The following PCDHGA6 variants were observed in gnomAD, a reference collection of about 807,000 sequenced individuals.
PCDHGA6 encodes the protein protocadherin gamma subfamily A, 6.
In PCDHGA6, 41 loss-of-function variants were observed where a neutral mutation model predicts 60.6. The ratio of observed to expected loss-of-function variants is 0.68; its 90% CI spans 0.53 to 0.88. The LOEUF (loss-of-function observed/expected upper bound fraction) is 0.88, where lower values mean the gene tolerates loss of function less well. Among genes scored for constraint, PCDHGA6 ranks in the 40% least tolerant of loss-of-function variants. The pLI, the probability that PCDHGA6 is intolerant of heterozygous loss-of-function variation, is 0.00. For missense variants in PCDHGA6, 1,312 were observed against 1,203.0 expected, an observed-to-expected ratio of 1.09 and a Z score of -1.34; for synonymous variants, 594 against 524.4, an observed-to-expected ratio of 1.13 and a Z score of -1.81.
chr5:141,494,182 C>A (rs188628485), intron 1 of PCDHGA6, among the ~76,000 whole-genome samples: 1 of 152,126 alleles, frequency 6.6e-6, no homozygotes, highest in Non-Finnish European at 1.5e-5. Context: ...AGAAGTGTCC[C>A]GGGACTTGGA....
intron 1 of PCDHGA6, chr5:141,409,991 G>A: frequency 6.2e-6 from 10 of 1,613,320 alleles, no homozygotes; most frequent in Non-Finnish European, 7.6e-6. Flanking sequence ...GGTGGACGCC[G>A]ACTCGGGACA....
At position 141,399,337 on chromosome 5, in the gene PCDHGA6, GGAACCCTAGACC is replaced by G. The variant is rs754766358; in HGVS notation, c.2424+22833_2424+22844del. 29 of 1,613,990 alleles carry G rather than the reference GGAACCCTAGACC, an allele frequency of 1.8e-5. No individual in the cohort carries two copies. In the South Asian group the frequency reaches 3.1e-4, roughly 17 times the overall value. Reference sequence around the variant, plus strand: ...AAATTCGTATAAGTTGGTAACAGATGGAACCCTAGACCGAGAGCAAACCCCGGAGTACAATGT... The same window carrying G: ...AAATTCGTATAAGTTGGTAACAGATGGAGAGCAAACCCCGGAGTACAATGT... On this transcript the variant is annotated intron_variant, in intron 1 of 3. Transcript: ENST00000517434.
intron 1 of PCDHGA6, chr5:141,421,800 G>T (rs995129799): frequency 1.2e-6 from 2 of 1,613,728 alleles, no homozygotes. Flanking sequence ...ATGGGGCCAA[G>T]AATCCAGAGC....
chr5:141,385,368 T>TG, intron 1 of PCDHGA6: 4 of 1,535,720 alleles, frequency 2.6e-6, no homozygotes, highest in Non-Finnish European at 3.5e-6. Flanking sequence ...TTTATTTGCA[T>TG]GATATTTCTC....
chr5:141,375,100 T>A lies in PCDHGA6; in HGVS notation c.1017T>A (p.Asp339Glu), dbSNP rs921904476. 5 of 1,613,834 alleles carry A rather than the reference T, an allele frequency of 3.1e-6. No individual in the cohort carries two copies. The African/African-American group carries it at 6.7e-5, about 22-fold the overall frequency. Residue 339 changes from aspartate to glutamate, a missense_variant, in exon 1 of 4, where the codon GAT (aspartate) becomes GAA (glutamate). By Grantham distance (45) the Asp-to-Glu change is conservative (BLOSUM62 2). Transcript: ENST00000517434. The stretch of plus-strand genomic sequence containing the variant: ...CGAAAGTCTTAATAACTATCTTGGA[T>A]GTCAATGATAATGTACCAGAAGTGG... ...DRAKVLITILDVNDNVPEVVV... is the reference protein window; with the variant it reads ...DRAKVLITILEVNDNVPEVVV...
chr5:141,439,756 G>A (rs74623862), intron 1 of PCDHGA6: 30 of 152,422 alleles, frequency 2.0e-4, no homozygotes, highest in African/African-American at 7.0e-4. Context: ...CAGGCAATGA[G>A]TTCAGCTCCT....
intron 1 of PCDHGA6, chr5:141,419,610 C>G: frequency 1.9e-6 from 3 of 1,612,130 alleles, no homozygotes; most frequent in Middle Eastern, 1.8e-4. Flanking sequence ...GCCGCGCAGC[C>G]AGGCTACCTG....
chr5:141,422,703 G>GA, intron 1 of PCDHGA6: 1 of 1,603,132 alleles, frequency 6.2e-7, no homozygotes, highest in African/African-American at 1.3e-5. Context: ...CTTACTCTCT[G>GA]ACGGATGACA....
At chr5:141,495,255 G>A (rs1055329757) in intron 2 of PCDHGA6, among the ~76,000 whole-genome samples, 5 of 152,212 alleles carry the variant, frequency 3.3e-5, no homozygotes, top group African/African-American at 1.2e-4. Flanking sequence ...GGCTCAGGCA[G>A]AAAAGCATTT....
At chr5:141,404,615 C>T in intron 1 of PCDHGA6, 5 of 1,614,122 alleles carry the variant, frequency 3.1e-6, no homozygotes, top group Non-Finnish European at 4.2e-6. Flanking sequence ...TGTTTTGGAC[C>T]AGAATGACAA....
chr5:141,489,893 G>A lies in PCDHGA6; in HGVS notation c.2425-4914G>A. ...CTGGTGCTTACTGCTGTGGATGGGG[G>A]GACCCCAGCCCGCTCAGGGACCACC... On this transcript the variant is annotated intron_variant, in intron 1 of 3. Transcript: ENST00000517434. This position sits in a 1 kb window ranked among gnomAD's most constrained non-coding sequence, Gnocchi z 4.5. 6.2e-7 allele frequency: 1 copy of A among 1,614,190 alleles called. No individual in the cohort carries two copies. Among genetic ancestry groups the A allele is most frequent in the South Asian group, 1.1e-5 (1 of 91,084 alleles).
intron 1 of PCDHGA6, chr5:141,388,189 G>A: frequency 1.3e-6 from 2 of 1,542,748 alleles, no homozygotes; most frequent in Admixed American, 1.7e-5. Context: ...AAGCCAGCTT[G>A]TGCTCTGGAA....
chr5:141,421,901 G>A lies in PCDHGA6; in HGVS notation c.2424+45394G>A. ...GATGGAGGCGATCCCATCCGAAAGG[G>A]CGCAGTTCCCATTCGTGTGGTGGTC... is the stretch of plus-strand genomic sequence containing the variant. On this transcript the variant is annotated intron_variant, in intron 1 of 3. Coordinates refer to ENST00000517434, the MANE Select transcript of PCDHGA6 (RefSeq NM_018919.3). 1.9e-6 allele frequency: 3 copies of A among 1,613,724 alleles called. No individual in the cohort carries two copies. Among genetic ancestry groups the A allele is most frequent in the East Asian group, 2.2e-5 (1 of 44,880 alleles).
At chr5:141,488,472 T>C (rs1183465817) in intron 1 of PCDHGA6, among the ~76,000 whole-genome samples, 1 of 152,096 alleles carries the variant, frequency 6.6e-6, no homozygotes, top group East Asian at 1.9e-4. Context: ...CCAGAAATGT[T>C]CCCCTACCCA....
chr5:141,494,929 GGA>G, intron 2 of PCDHGA6, 64 bp downstream of exon 2: 1 of 1,613,142 alleles, frequency 6.2e-7, no homozygotes, highest in Non-Finnish European at 8.5e-7. Flanking sequence ...TGACGTGGGA[GGA>G]GATGGGGGAG....
chr5:141,388,992 C>T (rs1310959225), intron 1 of PCDHGA6: 3 of 1,613,834 alleles, frequency 1.9e-6, no homozygotes, highest in African/African-American at 1.3e-5. Flanking sequence ...GCTCAAAGTC[C>T]GTGACAAGGA....
At chr5:141,448,542 T>G (rs2098594694) in intron 1 of PCDHGA6, among the ~76,000 whole-genome samples, 1 of 152,210 alleles carries the variant, frequency 6.6e-6, no homozygotes, top group Non-Finnish European at 1.5e-5. Flanking sequence ...GCATTTCTTA[T>G]GCAAATATGT....
chr5:141,376,527 A>T lies in PCDHGA6; in HGVS notation c.2424+20A>T. 1 of 1,613,816 alleles carries T rather than the reference A, an allele frequency of 6.2e-7. No homozygotes were observed. Among genetic ancestry groups the T allele is most frequent in the South Asian group, 1.1e-5 (1 of 91,080 alleles). ...CTTCAGGTGAGTTTCTTTCCGCCTA[A>T]GCGGGAAGAGTAATCTGATCTTCCC... On this transcript the variant is annotated intron_variant, in intron 1 of 3. Coordinates refer to ENST00000517434, the MANE Select transcript of PCDHGA6 (RefSeq NM_018919.3).
intron 1 of PCDHGA6, chr5:141,409,728 C>T: frequency 6.2e-7 from 1 of 1,613,134 alleles, no homozygotes; most frequent in Non-Finnish European, 8.5e-7. Flanking sequence ...TCAGTGAGCG[C>T]GCAGAGCGGG....
Sources: allele counts gnomAD v4.1 joint callset (sites outside exome capture counted in the v4.1 genomes callset), GRCh38; gene constraint gnomAD v4.1.1; non-coding constraint Gnocchi (gnomAD v3.1); transcripts MANE v1.5; gene names NCBI Gene and HGNC (gene_info 2026-07-23, HGNC 2026-07-21).